The following NHERF4 variants were observed in gnomAD, a reference collection of about 807,000 sequenced individuals.
NHERF4 encodes the protein NHERF family PDZ scaffold protein 4.
chr11:119,189,845 A>T, the NHERF4 span: 176 of 370,080 alleles, frequency 4.8e-4, 4 homozygotes, highest in South Asian at 6.7e-3. The surrounding 1 kb of genome is among the most constrained non-coding windows in gnomAD (Gnocchi z 5.8). Flanking sequence ...TAATGCAAAA[A>T]TTTGGAGACC....
At chr11:119,187,251 C>T in the NHERF4 span, 1 of 1,568,362 alleles carries the variant, frequency 6.4e-7, no homozygotes, top group Non-Finnish European at 8.6e-7. Context: ...AAACCCACGC[C>T]CACGTGCCCT....
At chr11:119,186,857 C>T in the NHERF4 span, among the ~76,000 whole-genome samples, 4 of 152,030 alleles carry the variant, frequency 2.6e-5, no homozygotes, top group African/African-American at 4.8e-5. The surrounding 1 kb of genome is among the most constrained non-coding windows in gnomAD (Gnocchi z 4.4). Context: ...AGCCGATTCC[C>T]GCTGGGCGCA....
chr11:119,189,081 T>A, the NHERF4 span: 1 of 1,614,140 alleles, frequency 6.2e-7, no homozygotes, highest in African/African-American at 1.3e-5. This position sits in a 1 kb window ranked among gnomAD's most constrained non-coding sequence, Gnocchi z 5.8. Context: ...GGGTATCCTG[T>A]TGGGGGACAG....
the NHERF4 span, chr11:119,188,655 C>A: frequency 1.2e-6 from 2 of 1,614,040 alleles, no homozygotes; most frequent in Non-Finnish European, 1.7e-6. Context: ...CCTGTCCCCA[C>A]TCCTCTTCTT....
chr11:119,185,724 G>T, the NHERF4 span: 13 of 807,898 alleles, frequency 1.6e-5, no homozygotes, highest in Non-Finnish European at 1.7e-5. Flanking sequence ...CAAGGACTTG[G>T]GGGGAGAGAA....
At chr11:119,189,480 G>C in the NHERF4 span, 3 of 1,614,084 alleles carry the variant, frequency 1.9e-6, no homozygotes, top group South Asian at 2.2e-5. This position sits in a 1 kb window ranked among gnomAD's most constrained non-coding sequence, Gnocchi z 5.8. Flanking sequence ...CTCTGGCCTC[G>C]GATCTACTGT....
the NHERF4 span, chr11:119,188,111 C>G: frequency 6.5e-7 from 1 of 1,548,588 alleles, no homozygotes; most frequent in Non-Finnish European, 8.7e-7. Flanking sequence ...TGGGTTCCTG[C>G]TCCGGGAGGA....
At chr11:119,187,220 G>A in the NHERF4 span, 1 of 1,443,152 alleles carries the variant, frequency 6.9e-7, no homozygotes, top group Non-Finnish European at 9.2e-7. Flanking sequence ...GGTCCTGGGG[G>A]TTGGCAAGAG....
chr11:119,186,423 T>C, the NHERF4 span: 1 of 1,599,312 alleles, frequency 6.3e-7, no homozygotes, highest in Admixed American at 1.7e-5. The surrounding 1 kb of genome is among the most constrained non-coding windows in gnomAD (Gnocchi z 4.4). Context: ...ACGGCGAACC[T>C]GTACTTGGGC....
At chr11:119,186,542 G>C in the NHERF4 span, 10 of 1,614,054 alleles carry the variant, frequency 6.2e-6, no homozygotes, top group Non-Finnish European at 1.7e-6. The surrounding 1 kb of genome is among the most constrained non-coding windows in gnomAD (Gnocchi z 4.4). Flanking sequence ...AAGAGTTTTG[G>C]CTTCCACCTG....
At chr11:119,187,621 G>T in the NHERF4 span, 1 of 1,579,936 alleles carries the variant, frequency 6.3e-7, no homozygotes, top group East Asian at 2.3e-5. Context: ...GAGCGGGCAG[G>T]GGTGCCCCCC....
At chr11:119,186,331 C>T in the NHERF4 span, 3 of 1,567,098 alleles carry the variant, frequency 1.9e-6, no homozygotes, top group African/African-American at 1.4e-5. This position sits in a 1 kb window ranked among gnomAD's most constrained non-coding sequence, Gnocchi z 4.4. Flanking sequence ...CCCAGTCCCT[C>T]TGCCCACGAA....
the NHERF4 span, chr11:119,186,767 C>A: frequency 7.4e-7 from 1 of 1,350,658 alleles, no homozygotes; most frequent in Non-Finnish European, 1.0e-6. This position sits in a 1 kb window ranked among gnomAD's most constrained non-coding sequence, Gnocchi z 4.4. Flanking sequence ...GGCAGTATGG[C>A]AGCAGGGCAC....
At chr11:119,186,207 G>A in the NHERF4 span, 3 of 1,614,140 alleles carry the variant, frequency 1.9e-6, no homozygotes, top group African/African-American at 1.3e-5. The surrounding 1 kb of genome is among the most constrained non-coding windows in gnomAD (Gnocchi z 4.4). Flanking sequence ...TATCCCTGGA[G>A]GCACCACGGC....
chr11:119,187,515 A>G, the NHERF4 span: 1 of 1,610,910 alleles, frequency 6.2e-7, no homozygotes, highest in Non-Finnish European at 8.5e-7. Flanking sequence ...GCCCCTGTTC[A>G]GGGCAGGCAG....
chr11:119,186,838 C>T, the NHERF4 span: 20 of 863,700 alleles, frequency 2.3e-5, no homozygotes, highest in Non-Finnish European at 3.1e-5. This position sits in a 1 kb window ranked among gnomAD's most constrained non-coding sequence, Gnocchi z 4.4. Context: ...GTAGGGAAAG[C>T]ATCTAGAAAG....
At chr11:119,186,178 C>A in the NHERF4 span, 5 of 1,614,040 alleles carry the variant, frequency 3.1e-6, no homozygotes, top group Non-Finnish European at 4.2e-6. The surrounding 1 kb of genome is among the most constrained non-coding windows in gnomAD (Gnocchi z 4.4). Context: ...AACTCCCTCA[C>A]CCCCTGGCAA....
the NHERF4 span, chr11:119,186,449 C>G: frequency 1.2e-6 from 2 of 1,612,302 alleles, no homozygotes; most frequent in Admixed American, 3.3e-5. This position sits in a 1 kb window ranked among gnomAD's most constrained non-coding sequence, Gnocchi z 4.4. Context: ...CCTCTCCTCC[C>G]CCTTTTCTGC....
At chr11:119,188,569 G>A in the NHERF4 span, 1 of 1,603,122 alleles carries the variant, frequency 6.2e-7, no homozygotes, top group African/African-American at 1.3e-5. Context: ...CTGAGGGGCA[G>A]GGGCTAGGGT....
Sources: gnomAD v4.1 joint callset for allele counts (sites outside exome capture counted in the v4.1 genomes callset) on GRCh38, gnomAD v4.1.1 for gene constraint, Gnocchi (gnomAD v3.1) non-coding constraint, MANE v1.5 for transcripts, NCBI Gene and HGNC (gene_info 2026-07-23, HGNC 2026-07-21) for gene names.